PKP4: variants seen among roughly 807,000 people sequenced by gnomAD.
PKP4 encodes plakophilin-4.
In PKP4, 90 loss-of-function variants were observed where a neutral mutation model predicts 145.1. The observed-to-expected ratio is 0.62, with a 90% CI of 0.52 to 0.74. PKP4 has a LOEUF of 0.74. Ranked by LOEUF, PKP4 falls within the 30% of genes least tolerant of loss-of-function variation. The pLI is 0.00. For missense variants in PKP4, 1,340 were observed against 1,482.7 expected, an observed-to-expected ratio of 0.90 and a Z score of 1.58; for synonymous variants, 563 against 577.2, an observed-to-expected ratio of 0.98 and a Z score of 0.35.
At chr2:158,547,060 T>G (rs1224348352) in intron 2 of PKP4, among the ~76,000 whole-genome samples, 1 of 152,214 alleles carries the variant, frequency 6.6e-6, no homozygotes, top group African/African-American at 2.4e-5. Context: ...TTTACATTTT[T>G]GGGCCATGGG....
At chr2:158,489,775 TAAGC>T (rs569888302) in intron 1 of PKP4, among the ~76,000 whole-genome samples, 66 of 152,362 alleles carry the variant, frequency 4.3e-4, no homozygotes, top group African/African-American at 1.2e-3. Flanking sequence ...TAAGCTGTGT[TAAGC>T]AAGACAAAAG....
chr2:158,501,452 T>G (rs956593790), intron 1 of PKP4, among the ~76,000 whole-genome samples: 4 of 152,230 alleles, frequency 2.6e-5, no homozygotes, highest in African/African-American at 9.6e-5. Context: ...GCTGTGCTTT[T>G]GTGCATCTTC....
At chr2:158,488,606 G>A (rs568726894) in intron 1 of PKP4, among the ~76,000 whole-genome samples, 3 of 152,110 alleles carry the variant, frequency 2.0e-5, no homozygotes, top group Non-Finnish European at 4.4e-5. Context: ...TTTATGGTAG[G>A]CAGCTTTAAG....
In PKP4 at chr2:158,625,288, C is replaced by G; in HGVS notation, c.1014C>G (p.Pro338=). 6.2e-7 allele frequency: 1 copy of G among 1,614,218 alleles called. No individual in the cohort carries two copies. Among genetic ancestry groups the G allele is most frequent in the Non-Finnish European group, 8.5e-7 (1 of 1,180,032 alleles). Reference sequence around the variant, plus strand: ...AAGGCCAGGTGGGGTCGTCGTCCCCCAAACGCTCAGGGATGACCGCCGTAC... The same window carrying G: ...AAGGCCAGGTGGGGTCGTCGTCCCCGAAACGCTCAGGGATGACCGCCGTAC... ...PSQGQVGSSS[P]KRSGMTAVPQ... Residue 338 remains proline, a synonymous_variant, in exon 7 of 22, where the codon CCC becomes CCG. Transcript: ENST00000389759.
chr2:158,542,977 T>A (rs1439300024), intron 2 of PKP4, among the ~76,000 whole-genome samples: 1 of 152,216 alleles, frequency 6.6e-6, no homozygotes, highest in Non-Finnish European at 1.5e-5. Context: ...CTTAATTCTA[T>A]AAGTGGTAGA....
chr2:158,673,812 C>T (rs879188186), intron 18 of PKP4, 51 bp downstream of exon 18: 2 of 1,460,420 alleles, frequency 1.4e-6, no homozygotes, highest in African/African-American at 1.4e-5. Context: ...AGAGCACACA[C>T]TCATAATCAT....
intron 3 of PKP4, among the ~76,000 whole-genome samples, chr2:158,582,434 T>C (rs2048408146): frequency 6.6e-6 from 1 of 152,174 alleles, no homozygotes; most frequent in Non-Finnish European, 1.5e-5. Flanking sequence ...AAAAAGAAGA[T>C]AAAATTTAGA....
intron 2 of PKP4, among the ~76,000 whole-genome samples, chr2:158,546,448 ATCT>A (rs1185055664): frequency 6.6e-6 from 1 of 152,166 alleles, no homozygotes; most frequent in Non-Finnish European, 1.5e-5. Context: ...TGCTTTTGAA[ATCT>A]TCTTTTTTTA....
intron 20 of PKP4, among the ~76,000 whole-genome samples, chr2:158,677,687 G>GGACTATTTACTAATC (rs1404477155): frequency 6.6e-6 from 1 of 152,218 alleles, no homozygotes; most frequent in Non-Finnish European, 1.5e-5. Flanking sequence ...TGATTTCACA[G>GGACTATTTACTAATC]GACTATTTAC....
At chr2:158,554,773 C>T (rs532021254) in intron 2 of PKP4, among the ~76,000 whole-genome samples, 1 of 152,260 alleles carries the variant, frequency 6.6e-6, no homozygotes, top group African/African-American at 2.4e-5. Flanking sequence ...TTGCCACTTT[C>T]TCTATACCTC....
At chr2:158,565,651 A>C (rs1208532059) in intron 2 of PKP4, among the ~76,000 whole-genome samples, 2 of 152,088 alleles carry the variant, frequency 1.3e-5, no homozygotes, top group Non-Finnish European at 2.9e-5. Flanking sequence ...ATGGAAGCAC[A>C]AGGAACAGAG....
intron 11 of PKP4, among the ~76,000 whole-genome samples, chr2:158,652,690 G>A (rs148192486): frequency 6.6e-6 from 1 of 152,304 alleles, no homozygotes; most frequent in African/African-American, 2.4e-5. Flanking sequence ...TTTGCAGGGT[G>A]GTTCCAGTGA....
rs529209354 is a variant in PKP4 at position 158,637,761 on chromosome 2, G to A, written c.1563-2866G>A. Among the ~76,000 whole-genome samples, 35 of 152,360 alleles carry A rather than the reference G, an allele frequency of 2.3e-4. No homozygotes were observed. In the South Asian group the frequency reaches 6.2e-3, roughly 27 times the overall value. ...TTATAATTGTTTATGGTGGGAGGGC[G>A]AAATCCAGTACGAGTTACTCTATCA... On this transcript the variant is annotated intron_variant, in intron 9 of 21. Coordinates refer to ENST00000389759, the MANE Select transcript of PKP4 (RefSeq NM_003628.6).
chr2:158,528,352 T>C (rs1481505703), intron 1 of PKP4, among the ~76,000 whole-genome samples: 40 of 129,186 alleles, frequency 3.1e-4, no homozygotes, highest in Non-Finnish European at 5.8e-4. Context: ...ATGGATGAAA[T>C]TGGAAACCTT....
chr2:158,546,561 C>T (rs184324579), intron 2 of PKP4, among the ~76,000 whole-genome samples: 29 of 152,142 alleles, frequency 1.9e-4, no homozygotes, highest in African/African-American at 4.3e-4. Context: ...GGGCATGAGC[C>T]AAAAAATGTA....
intron 3 of PKP4, among the ~76,000 whole-genome samples, chr2:158,600,165 GT>G (rs1213825734): frequency 5.9e-5 from 9 of 152,156 alleles, no homozygotes; most frequent in Non-Finnish European, 1.2e-4. Context: ...TTTGATTGAT[GT>G]TCACCATCTG....
Position 158,680,930 on chromosome 2 carries a change from G to A in PKP4, c.*253G>A, listed in dbSNP as rs140613842. 80 of 373,190 alleles carry A rather than the reference G, an allele frequency of 2.1e-4. No homozygotes were observed. The highest frequency in any genetic ancestry group is 1.4e-3 in the Middle Eastern group (2 of 1,454). 23.1% of individuals were successfully genotyped at this position (373,190 alleles called of 1,614,324 possible). A position where few individuals can be genotyped will look rare whatever the true frequency, so the allele number is the denominator to read the frequency against. The stretch of plus-strand genomic sequence containing the variant: ...GTAGTCTGGTGAAGGTGTGGGTGAC[G>A]TGATGAGAGGTTTGAGAAATGGGTG... On this transcript the variant is annotated 3_prime_UTR_variant, in exon 22 of 22. Transcript: ENST00000389759.
intron 1 of PKP4, among the ~76,000 whole-genome samples, chr2:158,458,655 G>T (rs745939845): frequency 1.3e-5 from 2 of 152,170 alleles, no homozygotes; most frequent in Non-Finnish European, 2.9e-5. Context: ...CATGTACTGC[G>T]AGAGAGATCT....
rs1301142568 is a variant in PKP4 at position 158,679,525 on chromosome 2, T to A, written c.3330+871T>A. On this transcript the variant is annotated intron_variant, in intron 21 of 21. Transcript: ENST00000389759. ...CTCTGAAATCCTTATAATGTTAGAA[T>A]GCATTGAGTTCCAGGACATGACATT... The A allele has an allele frequency of 3.3e-5, 5 of 152,254 alleles. No homozygotes were observed. The East Asian group carries it at 9.6e-4, about 29-fold the overall frequency. 9.4% of individuals were successfully genotyped at this position (152,254 alleles called of 1,614,324 possible).
Sources: gnomAD v4.1 joint callset for allele counts (sites outside exome capture counted in the v4.1 genomes callset) on GRCh38, gnomAD v4.1.1 for gene constraint, MANE v1.5 for transcripts, NCBI Gene and HGNC (gene_info 2026-07-23, HGNC 2026-07-21) for gene names.